Variants in WFDC1 observed in about 807,000 individuals in gnomAD.
The protein encoded by WFDC1 is WAP four-disulfide core domain 1, also known as WAP four-disulfide core domain protein 1.
Under a neutral mutation model 32.9 loss-of-function variants are expected in WFDC1, and 39 were observed. The ratio of observed to expected loss-of-function variants is 1.19; its 90% confidence interval spans 0.92 to 1.55. The LOEUF is 1.55. Among genes scored for constraint, WFDC1 ranks in the 40% most tolerant of loss-of-function variants. The pLI is 0.00. For missense variants in WFDC1, 386 were observed against 309.5 expected (o/e 1.25, Z -1.85); for synonymous variants, 184 against 137.4 (o/e 1.34, Z -2.37).
At chr16:84,310,599 T>G (rs1050922135) in intron 1 of WFDC1, among the ~76,000 whole-genome samples, 3 of 152,190 alleles carry the variant, frequency 2.0e-5, no homozygotes, top group Non-Finnish European at 2.9e-5. Context: ...AAAGGCACCT[T>G]TCCTAATGGT....
chr16:84,326,900 T>C lies in WFDC1; in HGVS notation c.623T>C (p.Val208Ala). ...KEYPEGDSKN[V>A]AEPGRGQQKH... The stretch of plus-strand genomic sequence containing the variant: ...TTCACAGAAGGTGACTCAAAGAATG[T>C]GGCAGAACCTGGAAGGGGACAACAG... The change falls in exon 6 of 7, where the codon GTG (valine) becomes GCG (alanine). Residue 208 changes from valine to alanine, a missense_variant. By Grantham distance (64) the Val-to-Ala change is moderately conservative. Transcript: ENST00000219454. The C allele has an allele frequency of 6.2e-7, 1 of 1,614,106 alleles. No individual in the cohort carries two copies. The highest frequency in any genetic ancestry group is 8.5e-7 in the Non-Finnish European group (1 of 1,180,030).
intron 1 of WFDC1, among the ~76,000 whole-genome samples, chr16:84,303,076 A>C (rs1907042772): frequency 1.3e-5 from 2 of 150,324 alleles, no homozygotes; most frequent in African/African-American, 4.9e-5. Context: ...CTTGTGCCAA[A>C]TTCTGTCCCC....
intron 1 of WFDC1, among the ~76,000 whole-genome samples, chr16:84,304,966 G>C (rs1421516058): frequency 1.3e-5 from 2 of 152,252 alleles, no homozygotes; most frequent in Non-Finnish European, 2.9e-5. Flanking sequence ...GCAACTCCCA[G>C]TTCCAGGCTC....
In WFDC1 at chr16:84,303,109, G is replaced by A. The variant is rs547357002; in HGVS notation, c.144+7994G>A. Among the ~76,000 whole-genome samples the A allele has an allele frequency of 4.0e-5, 6 of 150,580 alleles. No individual in the cohort carries two copies. The South Asian group carries it at 6.3e-4, about 16-fold the overall frequency. On this transcript the variant is annotated intron_variant, in intron 1 of 6. Transcript: ENST00000219454. ...CCCAGAGCCCAGTGTTAAGGGCCCC[G>A]GGCACCAGGAAATGGCATTCATCTA...
chr16:84,311,718 G>A (rs1314010132), intron 1 of WFDC1, among the ~76,000 whole-genome samples: 3 of 35,106 alleles, frequency 8.5e-5, no homozygotes. Context: ...TTTTTTTTTA[G>A]TGGAGAAGGG....
rs777201368 is a variant in WFDC1, at chr16:84,294,964, G to A, written c.-8G>A. On this transcript the variant is annotated 5_prime_UTR_variant, in exon 1 of 7. Transcript: ENST00000219454. ...TGTGCGTCTGGAAGGTCGCTGCCCAGGGAGGAAATGCCTTTAACCGGCGTG... is the reference window on the plus strand; with the variant it reads ...TGTGCGTCTGGAAGGTCGCTGCCCAAGGAGGAAATGCCTTTAACCGGCGTG... 6.2e-7 allele frequency: 1 copy of A among 1,610,450 alleles called. No homozygotes were observed. Among genetic ancestry groups the A allele is most frequent in the South Asian group, 1.1e-5 (1 of 90,440 alleles).
intron 1 of WFDC1, among the ~76,000 whole-genome samples, chr16:84,310,571 C>A (rs897996277): frequency 6.6e-6 from 1 of 152,198 alleles, no homozygotes; most frequent in Non-Finnish European, 1.5e-5. Flanking sequence ...CTCAGCTTTA[C>A]ACCCTATTCT....
Position 84,303,163 on chromosome 16 carries a change from C to T in WFDC1, c.144+8048C>T, listed in dbSNP as rs566699387. Among the ~76,000 whole-genome samples, 146 of 151,938 alleles carry T rather than the reference C, an allele frequency of 9.6e-4. 1 individual carries two copies. The highest frequency in any genetic ancestry group is 3.4e-3 in the African/African-American group (140 of 41,432). On this transcript the variant is annotated intron_variant, in intron 1 of 6. Coordinates refer to ENST00000219454, the MANE Select transcript of WFDC1 (RefSeq NM_021197.4). ...ACGCTGAACTCTAAGCCCACTGTTC[C>T]GGGGAGCGACATATTTTTAGATGTT...
chr16:84,326,538 A>G, intron 5 of WFDC1: 1 of 247,740 alleles, frequency 4.0e-6, no homozygotes, highest in South Asian at 8.5e-5. Context: ...TAAGGAGGAG[A>G]CATGAAAGCT....
rs1907916724 is a variant in WFDC1 at position 84,315,849 on chromosome 16, C to G, written c.338-2423C>G. ...CATCTGGATTTGGGTCTGTCCAAAG[C>G]AGACCCAGAGACAAGGACTTGGGCC... On this transcript the variant is annotated intron_variant, in intron 2 of 6. Coordinates refer to ENST00000219454, the MANE Select transcript of WFDC1 (RefSeq NM_021197.4). Among the ~76,000 whole-genome samples the G allele has an allele frequency of 2.0e-5, 3 of 152,342 alleles. No homozygotes were observed. The South Asian group carries it at 6.2e-4, about 32-fold the overall frequency.
intron 6 of WFDC1, chr16:84,328,363 C>T (rs11149641): frequency 0.53 from 79,871 of 152,042 alleles, 22,687 homozygotes; most frequent in Non-Finnish European, 0.66. Flanking sequence ...TCTACCCAGC[C>T]CCTGTGAATG....
At chr16:84,308,824 A>C (rs1212756457) in intron 1 of WFDC1, among the ~76,000 whole-genome samples, 1 of 150,240 alleles carries the variant, frequency 6.7e-6, no homozygotes, top group African/African-American at 2.5e-5. Flanking sequence ...TGCCATCCTC[A>C]GTGTAGATGC....
chr16:84,328,249 C>T (rs1908717323), intron 6 of WFDC1: 1 of 152,574 alleles, frequency 6.6e-6, no homozygotes, highest in Admixed American at 6.5e-5. Context: ...AGGCTGACTC[C>T]AGAGGAGGCC....
chr16:84,300,002 A>G (rs993362411), intron 1 of WFDC1, among the ~76,000 whole-genome samples: 9 of 152,224 alleles, frequency 5.9e-5, no homozygotes, highest in African/African-American at 1.9e-4. Flanking sequence ...TCAGTTCCCC[A>G]TCTCCTTTCC....
chr16:84,303,782 A>G (rs1008533861), intron 1 of WFDC1, among the ~76,000 whole-genome samples: 1 of 152,174 alleles, frequency 6.6e-6, no homozygotes, highest in Admixed American at 6.6e-5. Flanking sequence ...GAACGTTCCC[A>G]TCAACCCTAC....
intron 2 of WFDC1, among the ~76,000 whole-genome samples, chr16:84,313,533 T>A (rs1907772697): frequency 6.6e-6 from 1 of 152,156 alleles, no homozygotes; most frequent in Non-Finnish European, 1.5e-5. Flanking sequence ...ATTTAAAAGA[T>A]CAAGATTCGA....
chr16:84,304,418 G>A (rs775936060), intron 1 of WFDC1, among the ~76,000 whole-genome samples: 44 of 152,180 alleles, frequency 2.9e-4, no homozygotes, highest in East Asian at 7.8e-4. Context: ...TAGTAGAGAC[G>A]GGTTTCACCA....
At chr16:84,321,562 C>T (rs139640703) in intron 4 of WFDC1, among the ~76,000 whole-genome samples, 1,613 of 152,248 alleles carry the variant, frequency 0.011, 63 homozygotes, top group Admixed American at 0.036. Flanking sequence ...TTCATTCAGC[C>T]CTATGATGTC....
chr16:84,310,792 G>A (rs1907568883), intron 1 of WFDC1, among the ~76,000 whole-genome samples: 1 of 152,164 alleles, frequency 6.6e-6, no homozygotes, highest in African/African-American at 2.4e-5. Context: ...GTGGCACATT[G>A]AGTCTTATTT....
Sources: gnomAD v4.1 joint callset for allele counts (sites outside exome capture counted in the v4.1 genomes callset) on GRCh38, gnomAD v4.1.1 for gene constraint, MANE v1.5 for transcripts, NCBI Gene and HGNC (gene_info 2026-07-23, HGNC 2026-07-21) for gene names.